Variants in CSMD1 observed in about 807,000 individuals in gnomAD.
CSMD1 encodes CUB and Sushi multiple domains 1.
Under a neutral mutation model 417.5 loss-of-function variants are expected in CSMD1, and 213 were observed. The observed-to-expected ratio is 0.51, with a 90% CI of 0.46 to 0.57. The LOEUF is 0.57. Among genes scored for constraint, CSMD1 ranks in the 20% least tolerant of loss-of-function variants. CSMD1 has a pLI of 0.00. For synonymous variants in CSMD1, 2,862 were observed against 1,736.8 expected (o/e 1.65, Z -16.11); for missense variants, 6,923 against 4,529.7 (o/e 1.53, Z -15.17).
At chr8:4,910,269 A>C (rs1805573580) in intron 1 of CSMD1, among the ~76,000 whole-genome samples, 1 of 152,132 alleles carries the variant, frequency 6.6e-6, no homozygotes, top group Admixed American at 6.5e-5. Context: ...ATCTCATCAC[A>C]GTGAACAGTC....
intron 3 of CSMD1, among the ~76,000 whole-genome samples, chr8:4,304,266 T>C (rs1798131690): frequency 6.6e-6 from 1 of 152,344 alleles, no homozygotes; most frequent in South Asian, 2.1e-4. Context: ...GTCAAGGATT[T>C]TATATTTTAT....
chr8:3,270,911 CTT>C (rs111740366), intron 26 of CSMD1, among the ~76,000 whole-genome samples: 7 of 150,490 alleles, frequency 4.7e-5, no homozygotes, highest in Admixed American at 3.3e-4. Context: ...ATCTTTTTTT[CTT>C]TTTTTTTTTA....
chr8:4,026,763 A>C (rs1355710454), intron 4 of CSMD1, among the ~76,000 whole-genome samples: 1 of 152,230 alleles, frequency 6.6e-6, no homozygotes, highest in Non-Finnish European at 1.5e-5. Flanking sequence ...TGTAATGATA[A>C]CTAAAATTTA....
chr8:3,887,511 G>A (rs1490731747), intron 5 of CSMD1, among the ~76,000 whole-genome samples: 2 of 152,172 alleles, frequency 1.3e-5, no homozygotes, highest in African/African-American at 2.4e-5. Flanking sequence ...AGAGTTGCCT[G>A]TTTTTGTAAA....
chr8:3,836,542 GGAGT>G (rs1182411089), intron 5 of CSMD1, among the ~76,000 whole-genome samples: 2 of 152,098 alleles, frequency 1.3e-5, no homozygotes, highest in African/African-American at 2.4e-5. Context: ...GAACTAGGAT[GGAGT>G]GAGTCAGAAA....
chr8:3,263,325 C>T (rs1008592287), intron 26 of CSMD1, among the ~76,000 whole-genome samples: 1 of 152,212 alleles, frequency 6.6e-6, no homozygotes, highest in East Asian at 1.9e-4. Flanking sequence ...TCTCGAACTC[C>T]TGGCCTCAAG....
intron 5 of CSMD1, among the ~76,000 whole-genome samples, chr8:3,920,464 C>T (rs909659839): frequency 1.3e-5 from 2 of 151,852 alleles, no homozygotes; most frequent in African/African-American, 2.4e-5. Context: ...ATTTGAGTGC[C>T]TTTTATTCTT....
chr8:4,577,956 G>T (rs189145578), intron 2 of CSMD1, among the ~76,000 whole-genome samples: 3 of 152,188 alleles, frequency 2.0e-5, no homozygotes, highest in Admixed American at 2.0e-4. Flanking sequence ...AGAGAAAAAT[G>T]ACATGGGTCT....
At chr8:3,482,094 C>A (rs1403639182) in intron 11 of CSMD1, among the ~76,000 whole-genome samples, 2 of 152,022 alleles carry the variant, frequency 1.3e-5, no homozygotes, top group Non-Finnish European at 2.9e-5. Flanking sequence ...AACTTAATAA[C>A]CCTTAGGAAG....
At chr8:3,086,295 A>C (rs1814525772) in intron 49 of CSMD1, among the ~76,000 whole-genome samples, 1 of 152,202 alleles carries the variant, frequency 6.6e-6, no homozygotes, top group Non-Finnish European at 1.5e-5. Flanking sequence ...GGTAAAACAT[A>C]AATAATACAG....
chr8:4,346,252 T>G (rs1189928636), intron 3 of CSMD1, among the ~76,000 whole-genome samples: 1 of 152,144 alleles, frequency 6.6e-6, no homozygotes, highest in Non-Finnish European at 1.5e-5. Context: ...TAAATATACA[T>G]CCAAAGAATA....
At chr8:4,138,357 G>T (rs573456301) in intron 3 of CSMD1, among the ~76,000 whole-genome samples, 7 of 152,102 alleles carry the variant, frequency 4.6e-5, no homozygotes, top group African/African-American at 1.7e-4. Flanking sequence ...CTGGGGCAAG[G>T]AGTCAGTGTT....
chr8:4,928,004 C>T (rs1806986137), intron 1 of CSMD1, among the ~76,000 whole-genome samples: 2 of 152,202 alleles, frequency 1.3e-5, no homozygotes, highest in African/African-American at 2.4e-5. Flanking sequence ...AGTCACACCC[C>T]ACATCCTCAG....
chr8:4,356,406 C>A (rs1482545272), intron 3 of CSMD1, among the ~76,000 whole-genome samples: 6 of 152,088 alleles, frequency 3.9e-5, no homozygotes. Context: ...TACGATTTTG[C>A]AATTGTCAAT....
intron 5 of CSMD1, among the ~76,000 whole-genome samples, chr8:3,922,293 A>G (rs1582764): frequency 0.2 from 30,150 of 151,940 alleles, 3,336 homozygotes; most frequent in East Asian, 0.31. Flanking sequence ...GTTCCTTTTA[A>G]AAAGCATATA....
In CSMD1 at chr8:3,469,972, T is replaced by A. The variant is rs1816993860; in HGVS notation, c.1449-1148A>T. Among the ~76,000 whole-genome samples the A allele has an allele frequency of 5.3e-5, 8 of 152,348 alleles. No homozygotes were observed. The South Asian group carries it at 1.7e-3, about 32-fold the overall frequency. ...GTTTGAAGAGAGATTTTTTTCTTTC[T>A]TTCTTATTCATACATTTATTGAAGT... On this transcript the variant is annotated intron_variant, in intron 11 of 69. Coordinates refer to ENST00000635120, the MANE Select transcript of CSMD1 (RefSeq NM_033225.6).
chr8:4,565,772 A>G lies in CSMD1; in HGVS notation c.302+71570T>C, dbSNP rs867644766. Among the ~76,000 whole-genome samples the G allele has an allele frequency of 7.5e-3, 243 of 32,198 alleles. 3 individuals carry two copies. Among genetic ancestry groups the G allele is most frequent in the African/African-American group, 0.023 (235 of 10,268 alleles). 21.1% of individuals were successfully genotyped at this position (32,198 alleles called of 152,430 possible). A position where few individuals can be genotyped will look rare whatever the true frequency, so the allele number is the denominator to read the frequency against. ...TACATATATATATATATATATATAT[A>G]TATATATATATATATATATATATAT... On this transcript the variant is annotated intron_variant, in intron 2 of 69. Transcript: ENST00000635120.
chr8:3,599,629 T>C (rs111652590), intron 8 of CSMD1, among the ~76,000 whole-genome samples: 4 of 152,308 alleles, frequency 2.6e-5, no homozygotes, highest in African/African-American at 9.6e-5. Context: ...ATACATCAGA[T>C]CCCTAGGTTT....
chr8:3,372,066 A>C (rs1190572401), intron 18 of CSMD1, among the ~76,000 whole-genome samples: 1 of 152,230 alleles, frequency 6.6e-6, no homozygotes, highest in East Asian at 1.9e-4. Flanking sequence ...CATAAAAGGC[A>C]GATGATATAC....
Sources: gnomAD v4.1 joint callset for allele counts (sites outside exome capture counted in the v4.1 genomes callset) on GRCh38, gnomAD v4.1.1 for gene constraint, MANE v1.5 for transcripts, NCBI Gene and HGNC (gene_info 2026-07-23, HGNC 2026-07-21) for gene names.